The following PIK3C2G variants were observed in gnomAD, a reference collection of about 807,000 sequenced individuals.
PIK3C2G encodes the protein phosphatidylinositol 3-kinase C2 domain-containing subunit gamma.
A neutral mutation model predicts 181.1 loss-of-function variants in PIK3C2G; 168 were observed. The observed-to-expected ratio is 0.93, with a 90% confidence interval of 0.82 to 1.05. PIK3C2G has a LOEUF of 1.05. PIK3C2G is among the 50% of genes least tolerant of loss of function. The probability of loss-of-function intolerance (pLI) is 0.00; values close to 1 mark genes in which losing one functional copy is unlikely to be tolerated. For missense variants in PIK3C2G, 1,869 were observed against 1,732.8 expected, an observed-to-expected ratio of 1.08 and a Z score of -1.40; for synonymous variants, 573 against 592.2, an observed-to-expected ratio of 0.97 and a Z score of 0.47.
At chr12:18,339,582 A>C (rs535350858) in intron 9 of PIK3C2G, among the ~76,000 whole-genome samples, 1 of 152,158 alleles carries the variant, frequency 6.6e-6, no homozygotes, top group Non-Finnish European at 1.5e-5. Context: ...CTACTTTTGA[A>C]TATGCCAATC....
At chr12:18,653,933 C>T in the PIK3C2G span, among the ~76,000 whole-genome samples, 1 of 152,082 alleles carries the variant, frequency 6.6e-6, no homozygotes, top group Non-Finnish European at 1.5e-5. Flanking sequence ...CTATACCTGT[C>T]AGCCTTCTGG....
intron 24 of PIK3C2G, among the ~76,000 whole-genome samples, chr12:18,527,962 G>GA (rs529287335): frequency 5.3e-4 from 80 of 151,814 alleles, no homozygotes; most frequent in African/African-American, 1.8e-3. Context: ...ACTGAACCAG[G>GA]AAAAAAAATT....
In PIK3C2G at chr12:18,425,133, C is replaced by T. The variant is rs190484895; in HGVS notation, c.2504+1094C>T. 4.4e-4 allele frequency: 86 copies of T among 196,620 alleles called. No individual in the cohort carries two copies. The Middle Eastern group carries it at 6.6e-3, about 15-fold the overall frequency. 12.2% of individuals were successfully genotyped at this position (196,620 alleles called of 1,614,324 possible). A position where few individuals can be genotyped will look rare whatever the true frequency, so the allele number is the denominator to read the frequency against. On this transcript the variant is annotated intron_variant, in intron 18 of 32. Coordinates refer to ENST00000538779, the MANE Select transcript of PIK3C2G (RefSeq NM_001288772.2). ...GTTCCCATTTGTAGATGCCACTGCT[C>T]GTGCCTTTTTTAGCAAGCCTTCTGC...
At chr12:18,299,606 C>G (rs574913056) in intron 5 of PIK3C2G, among the ~76,000 whole-genome samples, 1 of 151,928 alleles carries the variant, frequency 6.6e-6, no homozygotes, top group Admixed American at 6.6e-5. Context: ...AGGTAGGCAA[C>G]CTTGTCTTGT....
intron 30 of PIK3C2G, among the ~76,000 whole-genome samples, chr12:18,598,167 C>A (rs1947482652): frequency 6.6e-6 from 1 of 152,072 alleles, no homozygotes; most frequent in East Asian, 1.9e-4. Flanking sequence ...TCATATGGAA[C>A]CAAAAAAGAG....
intron 18 of PIK3C2G, among the ~76,000 whole-genome samples, chr12:18,434,035 C>G (rs2135780453): frequency 6.6e-6 from 1 of 152,252 alleles, no homozygotes; most frequent in Admixed American, 6.5e-5. Flanking sequence ...AAATAAACAA[C>G]AGAAATTATT....
chr12:18,484,096 C>T (rs75216981), intron 18 of PIK3C2G, among the ~76,000 whole-genome samples: 5,361 of 152,304 alleles, frequency 0.035, 128 homozygotes, highest in Non-Finnish European at 0.053. Context: ...CATCCAGTCA[C>T]ATTCTGTTGA....
intron 5 of PIK3C2G, among the ~76,000 whole-genome samples, chr12:18,302,973 G>A (rs947775195): frequency 4.6e-5 from 7 of 152,036 alleles, no homozygotes; most frequent in Non-Finnish European, 8.8e-5. Context: ...CTTGAGCACG[G>A]GGTGGAGGGG....
At chr12:18,651,538 G>A (rs1226620267), downstream of PIK3C2G, among the ~76,000 whole-genome samples, 1 of 152,092 alleles carries the variant, frequency 6.6e-6, no homozygotes, top group African/African-American at 2.4e-5. Context: ...CTTAGATCCA[G>A]GCAAGAGAAG....
At chr12:18,500,266 G>T (rs1469199223) in intron 22 of PIK3C2G, among the ~76,000 whole-genome samples, 1 of 152,126 alleles carries the variant, frequency 6.6e-6, no homozygotes, top group South Asian at 2.1e-4. Flanking sequence ...GCCGGCCCGG[G>T]CAATGAGGAG....
At chr12:18,521,409 G>A (rs1313320360) in intron 24 of PIK3C2G, among the ~76,000 whole-genome samples, 1 of 152,194 alleles carries the variant, frequency 6.6e-6, no homozygotes, top group Non-Finnish European at 1.5e-5. Flanking sequence ...AGGGGCTCAG[G>A]CCCAGGGAGA....
At chr12:18,474,076 A>C (rs1175314418) in intron 18 of PIK3C2G, among the ~76,000 whole-genome samples, 3 of 152,288 alleles carry the variant, frequency 2.0e-5, no homozygotes, top group African/African-American at 7.2e-5. Flanking sequence ...ATTTTTGTGA[A>C]TACCAAGAAC....
the PIK3C2G span, among the ~76,000 whole-genome samples, chr12:18,706,104 G>A: frequency 6.6e-6 from 1 of 151,714 alleles, no homozygotes; most frequent in African/African-American, 2.4e-5. Context: ...GTGGTGGCAG[G>A]TGCCTGTAAT....
In PIK3C2G at chr12:18,371,307, A is replaced by G; in HGVS notation, c.1876A>G (p.Lys626Glu). Reference sequence around the variant, plus strand: ...GTGGACTTGTCTTCCACTGTTTCCAAAAGAGTAAGTGTATCAATTGTGAGT... The same window carrying G: ...GTGGACTTGTCTTCCACTGTTTCCAGAAGAGTAAGTGTATCAATTGTGAGT... Reference protein sequence around the residue: ...LAWTCLPLFPKEKSILGSMLF... With the variant: ...LAWTCLPLFPEEKSILGSMLF... Residue 626 changes from lysine (K) to glutamate (E), a missense_variant, in exon 13 of 33, where the codon AAA becomes GAA. Transcript: ENST00000538779. 2 of 1,607,248 alleles carry G rather than the reference A, an allele frequency of 1.2e-6. No homozygotes were observed. Among genetic ancestry groups the G allele is most frequent in the Non-Finnish European group, 1.7e-6 (2 of 1,177,112 alleles).
the PIK3C2G span, among the ~76,000 whole-genome samples, chr12:18,698,062 A>G: frequency 6.6e-6 from 1 of 151,916 alleles, no homozygotes; most frequent in African/African-American, 2.4e-5. Flanking sequence ...GTCCTCATGA[A>G]CAACATGAGG....
chr12:18,671,319 A>AT, the PIK3C2G span, among the ~76,000 whole-genome samples: 590 of 151,730 alleles, frequency 3.9e-3, 2 homozygotes, highest in Middle Eastern at 6.8e-3. Context: ...AGATATTGGG[A>AT]TTTTTTTTTA....
At chr12:18,338,335 C>T in intron 8 of PIK3C2G, 91 bp from the exon 9 acceptor site, 2 of 978,464 alleles carry the variant, frequency 2.0e-6, no homozygotes, top group Non-Finnish European at 3.1e-6. Flanking sequence ...ATTCCACTTG[C>T]TCCTCATGGA....
At chr12:18,619,976 G>C (rs146807270) in intron 31 of PIK3C2G, among the ~76,000 whole-genome samples, 1 of 151,874 alleles carries the variant, frequency 6.6e-6, no homozygotes, top group African/African-American at 2.4e-5. Flanking sequence ...CGCCCACCAC[G>C]GCCTCCCAAA....
At position 18,546,447 on chromosome 12, in the gene PIK3C2G, G is replaced by T. The variant is rs992553334; in HGVS notation, c.3590+15G>T. ...CATTTTACCAAGTAAGATCACCTAT[G>T]AATGTGTGAGCATGCATGCATGAAT... On this transcript the variant is annotated intron_variant, in intron 26 of 32. Coordinates refer to ENST00000538779, the MANE Select transcript of PIK3C2G (RefSeq NM_001288772.2). 4 of 1,363,258 alleles carry T rather than the reference G, an allele frequency of 2.9e-6. No individual in the cohort carries two copies. Among genetic ancestry groups the T allele is most frequent in the South Asian group, 1.2e-5 (1 of 81,954 alleles). 84.4% of individuals were successfully genotyped at this position (1,363,258 alleles called of 1,614,324 possible).
Sources: allele counts gnomAD v4.1 joint callset (sites outside exome capture counted in the v4.1 genomes callset), GRCh38; gene constraint gnomAD v4.1.1; transcripts MANE v1.5; gene names NCBI Gene and HGNC (gene_info 2026-07-23, HGNC 2026-07-21).